ARHGEF28: variants seen among roughly 807,000 people sequenced by gnomAD.
The protein encoded by ARHGEF28 is Rho guanine nucleotide exchange factor 28, also known as 190 kDa guanine nucleotide exchange factor.
In ARHGEF28, 152 loss-of-function variants were observed where a neutral mutation model predicts 206.6. That is an observed-to-expected ratio of 0.74 (90% confidence interval 0.64 to 0.84). The LOEUF is 0.84. Ranked by LOEUF, ARHGEF28 falls within the 40% of genes least tolerant of loss-of-function variation. ARHGEF28 has a pLI of 0.00. For synonymous variants in ARHGEF28, 763 were observed against 776.4 expected (o/e 0.98, Z 0.29); for missense variants, 2,028 against 2,073.2 (o/e 0.98, Z 0.42).
chr5:73,713,713 G>A (rs1749399228), intron 2 of ARHGEF28, among the ~76,000 whole-genome samples: 1 of 152,150 alleles, frequency 6.6e-6, no homozygotes, highest in East Asian at 1.9e-4. Context: ...TGTTATTTAT[G>A]AAGTAGACTT....
At chr5:73,705,296 C>T (rs1748867571) in intron 2 of ARHGEF28, among the ~76,000 whole-genome samples, 1 of 152,232 alleles carries the variant, frequency 6.6e-6, no homozygotes, top group Admixed American at 6.5e-5. Flanking sequence ...ATACACACTT[C>T]ACTGCCACCT....
At chr5:73,660,985 G>T (rs1580453040) in intron 1 of ARHGEF28, among the ~76,000 whole-genome samples, 1 of 152,216 alleles carries the variant, frequency 6.6e-6, no homozygotes, top group East Asian at 1.9e-4. Context: ...TTCCTAATGA[G>T]AGAGTCAGCC....
chr5:73,906,151 T>G (rs1561182157), intron 33 of ARHGEF28, among the ~76,000 whole-genome samples: 1 of 152,242 alleles, frequency 6.6e-6, no homozygotes, highest in African/African-American at 2.4e-5. Context: ...TGTTAAAGCC[T>G]TGGATTACAT....
At chr5:73,680,434 C>CAA (rs71615795) in intron 1 of ARHGEF28, among the ~76,000 whole-genome samples, 1,143 of 30,366 alleles carry the variant, frequency 0.038, 153 homozygotes, top group African/African-American at 0.1. Flanking sequence ...GACTCCATCT[C>CAA]AAAAAAAAAA....
chr5:73,628,574 G>A (rs1743152415), intron 1 of ARHGEF28, among the ~76,000 whole-genome samples: 1 of 152,180 alleles, frequency 6.6e-6, no homozygotes, highest in African/African-American at 2.4e-5. Context: ...GTTGCTTTTA[G>A]TGAAGCAGAG....
chr5:73,798,934 C>CA lies in ARHGEF28; in HGVS notation c.1024+3546dup, dbSNP rs370297494. 2.6e-3 allele frequency among the ~76,000 whole-genome samples: 390 copies of CA among 151,406 alleles called. 1 individual carries two copies. Among genetic ancestry groups the CA allele is most frequent in the African/African-American group, 8.7e-3 (359 of 41,258 alleles). ...GAAACCCTGTTTCTACTAAAAATAC[C>CA]AAATTAGCCAGGCGTGGTGGCGCAT... On this transcript the variant is annotated intron_variant, in intron 9 of 35. Coordinates refer to ENST00000513042, the MANE Select transcript of ARHGEF28 (RefSeq NM_001177693.2).
rs200264200 is a variant in ARHGEF28 at position 73,753,135 on chromosome 5, C to G, written c.408C>G (p.Leu136=). The change falls in exon 4 of 36, where the codon CTC becomes CTG. Residue 136 remains leucine, a synonymous_variant. Transcript: ENST00000513042. ...AGALPALDEE[L]VLALTHLELP... ...CACTGCCTGCCTTGGATGAGGAGCTCGTGCTGGCTCTGACCCATCTGGAAT... is the reference window on the plus strand; with the variant it reads ...CACTGCCTGCCTTGGATGAGGAGCTGGTGCTGGCTCTGACCCATCTGGAAT... 7.6e-6 allele frequency: 12 copies of G among 1,575,720 alleles called. No individual in the cohort carries two copies. The highest frequency in any genetic ancestry group is 8.6e-6 in the Non-Finnish European group (10 of 1,161,244).
At chr5:73,822,085 A>G (rs1756631461) in intron 9 of ARHGEF28, among the ~76,000 whole-genome samples, 1 of 152,182 alleles carries the variant, frequency 6.6e-6, no homozygotes, top group Non-Finnish European at 1.5e-5. Context: ...TCAAAACAGT[A>G]GAATAGGACT....
At chr5:73,786,153 C>T (rs771624361) in intron 7 of ARHGEF28, among the ~76,000 whole-genome samples, 10 of 151,948 alleles carry the variant, frequency 6.6e-5, no homozygotes, top group Non-Finnish European at 1.5e-4. Flanking sequence ...GCACCTGCTA[C>T]GTGCCAGGCA....
At chr5:73,878,023 G>A (rs1045123498) in intron 22 of ARHGEF28, among the ~76,000 whole-genome samples, 9 of 152,162 alleles carry the variant, frequency 5.9e-5, no homozygotes, top group African/African-American at 9.7e-5. Context: ...TGACAGTGGG[G>A]TGTTAAAGTC....
At chr5:73,778,818 A>G (rs1020908465) in intron 6 of ARHGEF28, among the ~76,000 whole-genome samples, 1 of 152,214 alleles carries the variant, frequency 6.6e-6, no homozygotes, top group South Asian at 2.1e-4. Flanking sequence ...ATATTATGAG[A>G]TTACATATAG....
At chr5:73,631,398 A>T (rs1743357400) in intron 1 of ARHGEF28, among the ~76,000 whole-genome samples, 1 of 152,148 alleles carries the variant, frequency 6.6e-6, no homozygotes, top group Admixed American at 6.5e-5. Flanking sequence ...ATCAGGTGTT[A>T]GAGTTCTGAA....
At chr5:73,720,604 G>T (rs989286082) in intron 2 of ARHGEF28, among the ~76,000 whole-genome samples, 2 of 152,166 alleles carry the variant, frequency 1.3e-5, no homozygotes, top group Non-Finnish European at 2.9e-5. Flanking sequence ...AATTCGACAA[G>T]TTGGAAGGAG....
intron 1 of ARHGEF28, among the ~76,000 whole-genome samples, chr5:73,659,682 A>G (rs1008512740): frequency 3.9e-5 from 6 of 152,224 alleles, no homozygotes; most frequent in Non-Finnish European, 8.8e-5. Context: ...TGAAGATATT[A>G]CAATTTCAGT....
intron 1 of ARHGEF28, among the ~76,000 whole-genome samples, chr5:73,639,167 A>G (rs1338838711): frequency 1.3e-5 from 2 of 151,252 alleles, no homozygotes; most frequent in Non-Finnish European, 2.9e-5. Flanking sequence ...CCAAACTTAC[A>G]TGAAGTATTG....
At chr5:73,846,161 G>A in intron 11 of ARHGEF28, 107 bp from the exon 12 acceptor site, 1 of 999,472 alleles carries the variant, frequency 1.0e-6, no homozygotes, top group Non-Finnish European at 1.5e-6. Flanking sequence ...AATACCTATT[G>A]CACCCCCCCC....
chr5:73,744,542 AT>A (rs5868692), intron 2 of ARHGEF28, among the ~76,000 whole-genome samples: 1 of 151,284 alleles, frequency 6.6e-6, no homozygotes, highest in Non-Finnish European at 1.5e-5. Context: ...CTCTGTATAG[AT>A]TTTTTTTTCT....
chr5:73,872,272 A>G (rs1175780583), intron 21 of ARHGEF28, among the ~76,000 whole-genome samples: 3 of 152,014 alleles, frequency 2.0e-5, no homozygotes, highest in Non-Finnish European at 4.4e-5. Flanking sequence ...CTTATTGGCC[A>G]TTTGTATATC....
chr5:73,837,902 C>T (rs991847755), intron 10 of ARHGEF28, among the ~76,000 whole-genome samples: 8 of 151,956 alleles, frequency 5.3e-5, no homozygotes, highest in Non-Finnish European at 1.2e-4. Flanking sequence ...CCATGACACC[C>T]GGCTAATTTT....
Sources: gnomAD v4.1 joint callset for allele counts (sites outside exome capture counted in the v4.1 genomes callset) on GRCh38, gnomAD v4.1.1 for gene constraint, MANE v1.5 for transcripts, NCBI Gene and HGNC (gene_info 2026-07-23, HGNC 2026-07-21) for gene names.